Variants in AHCYL2 observed in about 807,000 individuals in gnomAD.
AHCYL2 encodes the protein S-adenosylhomocysteine hydrolase-like protein 2.
In AHCYL2, 28 loss-of-function variants were observed where a neutral mutation model predicts 81.4. The ratio of observed to expected loss-of-function variants is 0.34; its 90% CI spans 0.25 to 0.47. The LOEUF (loss-of-function observed/expected upper bound fraction) is 0.47, where lower values mean the gene tolerates loss of function less well. Among genes scored for constraint, AHCYL2 ranks in the 20% least tolerant of loss-of-function variants. The pLI, the probability that AHCYL2 is intolerant of heterozygous loss-of-function variation, is 1.00. For missense variants in AHCYL2, 551 were observed against 785.1 expected (o/e 0.70, Z 3.56); for synonymous variants, 272 against 290.2 (o/e 0.94, Z 0.64).
At chr7:129,363,705 T>C (rs1794010083) in intron 1 of AHCYL2, among the ~76,000 whole-genome samples, 3 of 151,996 alleles carry the variant, frequency 2.0e-5, no homozygotes, top group African/African-American at 7.2e-5. Flanking sequence ...GCCCAGCTAA[T>C]TTTTGTACTT....
At chr7:129,414,370 C>A (rs116492391) in intron 12 of AHCYL2, among the ~76,000 whole-genome samples, 1 of 151,236 alleles carries the variant, frequency 6.6e-6, no homozygotes, top group Non-Finnish European at 1.5e-5. Flanking sequence ...TCCAAAATAG[C>A]ACTTGGTACT....
At chr7:129,414,311 T>C (rs751239063) in intron 12 of AHCYL2, among the ~76,000 whole-genome samples, 86 of 152,206 alleles carry the variant, frequency 5.7e-4, no homozygotes, top group Non-Finnish European at 9.8e-4. Context: ...CTGGAAAATA[T>C]ATCACTTTGA....
At chr7:129,231,893 A>G (rs1205379380) in intron 1 of AHCYL2, among the ~76,000 whole-genome samples, 1 of 149,260 alleles carries the variant, frequency 6.7e-6, no homozygotes, top group African/African-American at 2.5e-5. Context: ...TCAGTTAGCT[A>G]TTTCCCTCTT....
chr7:129,261,436 A>G (rs1266666678), intron 1 of AHCYL2, among the ~76,000 whole-genome samples: 3 of 152,228 alleles, frequency 2.0e-5, no homozygotes, highest in African/African-American at 7.2e-5. Context: ...TGTTCAACCA[A>G]TTGTAAATCT....
At chr7:129,385,956 A>G (rs1795181179) in intron 2 of AHCYL2, among the ~76,000 whole-genome samples, 1 of 152,218 alleles carries the variant, frequency 6.6e-6, no homozygotes, top group Non-Finnish European at 1.5e-5. Context: ...TGTGGCAGAA[A>G]TGAGTACGGA....
chr7:129,277,086 A>G (rs1448418147), intron 1 of AHCYL2, among the ~76,000 whole-genome samples: 1 of 152,198 alleles, frequency 6.6e-6, no homozygotes, highest in Non-Finnish European at 1.5e-5. Flanking sequence ...ATTAATAAGT[A>G]AAATACTACC....
intron 1 of AHCYL2, among the ~76,000 whole-genome samples, chr7:129,317,793 C>A (rs1157697324): frequency 6.6e-6 from 1 of 152,194 alleles, no homozygotes; most frequent in Non-Finnish European, 1.5e-5. Context: ...TTATTCATTT[C>A]ATGACAAGGT....
chr7:129,400,357 G>C lies in AHCYL2; in HGVS notation c.891G>C (p.Val297=), dbSNP rs1795971831. ...TTTGGTGGTGTATCGATAGATGTGT[G>C]AATGTGGAGGGCTGGCAGCCAAACA... The part of the protein sequence containing the change: ...DDFWWCIDRC[V]NVEGWQPNMI... Residue 297 remains valine (V), a synonymous_variant, in exon 6 of 17, where the codon GTG becomes GTC. Transcript: ENST00000325006. 1 of 1,613,266 alleles carries C rather than the reference G, an allele frequency of 6.2e-7. No homozygotes were observed. The highest frequency in any genetic ancestry group is 8.5e-7 in the Non-Finnish European group (1 of 1,179,468).
chr7:129,426,346 A>G lies in AHCYL2; in HGVS notation c.1709-97A>G. On this transcript the variant is annotated intron_variant, in intron 15 of 16. Transcript: ENST00000325006. The surrounding 1 kb of genome is among the most constrained non-coding windows in gnomAD (Gnocchi z 4.3). ...TTTTTCATTCAGCTCCAGGAATTAG[A>G]AGGTGTCTTTGAACTTTTTAAGGCC... 1.3e-6 allele frequency: 2 copies of G among 1,568,562 alleles called. No homozygotes were observed. The highest frequency in any genetic ancestry group is 1.8e-6 in the Non-Finnish European group (2 of 1,140,216).
At chr7:129,324,270 T>C (rs1798141571) in intron 1 of AHCYL2, among the ~76,000 whole-genome samples, 1 of 152,198 alleles carries the variant, frequency 6.6e-6, no homozygotes, top group African/African-American at 2.4e-5. Context: ...GTAAAGTAGA[T>C]GTCTTATAGG....
intron 2 of AHCYL2, chr7:129,388,809 G>A (rs925965401): frequency 5.1e-6 from 2 of 390,412 alleles, no homozygotes; most frequent in African/African-American, 4.2e-5. Context: ...GCGTATTCAA[G>A]GACCTCTGCG....
intron 1 of AHCYL2, among the ~76,000 whole-genome samples, chr7:129,342,684 CTG>C (rs966411093): frequency 1.3e-5 from 2 of 152,136 alleles, no homozygotes; most frequent in African/African-American, 4.8e-5. Flanking sequence ...TACCATTAGA[CTG>C]TTTCAAAGTG....
At chr7:129,356,759 G>A (rs1283232453) in intron 1 of AHCYL2, among the ~76,000 whole-genome samples, 1 of 152,120 alleles carries the variant, frequency 6.6e-6, no homozygotes, top group Non-Finnish European at 1.5e-5. Context: ...ATTAAGAAGG[G>A]AGGGTCTCTG....
At chr7:129,259,583 TAAC>T (rs916543670) in intron 1 of AHCYL2, among the ~76,000 whole-genome samples, 10 of 152,192 alleles carry the variant, frequency 6.6e-5, no homozygotes, top group Admixed American at 2.6e-4. Context: ...CCAGTGATTT[TAAC>T]AACAAGGCTT....
chr7:129,305,508 A>AC lies in AHCYL2; in HGVS notation c.364-74124dup, dbSNP rs1236406794. On this transcript the variant is annotated intron_variant, in intron 1 of 16. Transcript: ENST00000325006. ...AAAACACTTTATACTTTAACTTCAT[A>AC]CCCCCCACTTTCTAATTTTTTGTTG... is the stretch of plus-strand genomic sequence containing the variant. Among the ~76,000 whole-genome samples, 3 of 151,424 alleles carry AC rather than the reference A, an allele frequency of 2.0e-5. No homozygotes were observed. The East Asian group carries it at 5.8e-4, about 29-fold the overall frequency.
rs1408480949 is a variant in AHCYL2, at chr7:129,406,674, G to A, written c.1295+208G>A. 7.2e-5 allele frequency among the ~76,000 whole-genome samples: 11 copies of A among 152,230 alleles called. No homozygotes were observed. Reference sequence around the variant, plus strand: ...AGCGAAAATTTAGAAATCCTGTGGAGATAGTAACAGGGATTCTGTCAGCCA... The same window carrying A: ...AGCGAAAATTTAGAAATCCTGTGGAAATAGTAACAGGGATTCTGTCAGCCA... On this transcript the variant is annotated intron_variant, in intron 10 of 16. Coordinates refer to ENST00000325006, the MANE Select transcript of AHCYL2 (RefSeq NM_015328.4). The surrounding 1 kb of genome is among the most constrained non-coding windows in gnomAD (Gnocchi z 4.3).
intron 4 of AHCYL2, among the ~76,000 whole-genome samples, chr7:129,390,028 G>A (rs555413952): frequency 1.3e-5 from 2 of 152,218 alleles, no homozygotes; most frequent in African/African-American, 4.8e-5. Context: ...TAAGTTTCAA[G>A]ACCCCTAGTG....
At chr7:129,337,837 G>A (rs1176733085) in intron 1 of AHCYL2, among the ~76,000 whole-genome samples, 2 of 152,114 alleles carry the variant, frequency 1.3e-5, no homozygotes, top group South Asian at 2.1e-4. Context: ...TCCACCTCCC[G>A]GGTTCAAGCG....
rs1796995236 is a variant in AHCYL2, at chr7:129,419,135, A to G, written c.1462-3705A>G. ...GAGTAGCTCATCAAAAGAGTTGGTC[A>G]TTTAGAAAGCTGCATTTTTTTTCTG... On this transcript the variant is annotated intron_variant, in intron 12 of 16. Coordinates refer to ENST00000325006, the MANE Select transcript of AHCYL2 (RefSeq NM_015328.4). The surrounding 1 kb of genome is among the most constrained non-coding windows in gnomAD (Gnocchi z 4.7). Among the ~76,000 whole-genome samples the G allele has an allele frequency of 6.6e-6, 1 of 152,230 alleles. No individual in the cohort carries two copies. The highest frequency in any genetic ancestry group is 1.5e-5 in the Non-Finnish European group (1 of 68,040).
Sources: gnomAD v4.1 joint callset for allele counts (sites outside exome capture counted in the v4.1 genomes callset) on GRCh38, gnomAD v4.1.1 for gene constraint, Gnocchi (gnomAD v3.1) non-coding constraint, MANE v1.5 for transcripts, NCBI Gene and HGNC (gene_info 2026-07-23, HGNC 2026-07-21) for gene names.